Variants in ZNF365 observed in about 807,000 individuals in gnomAD.
ZNF365 encodes zinc finger protein 365, also known as protein ZNF365.
In ZNF365, 22 loss-of-function variants were observed where a neutral mutation model predicts 35.0. The observed-to-expected ratio is 0.63, with a 90% CI of 0.45 to 0.90. The LOEUF is 0.90. Among genes scored for constraint, ZNF365 ranks in the 40% least tolerant of loss-of-function variants. The probability of loss-of-function intolerance (pLI) is 0.00; values close to 1 mark genes in which losing one functional copy is unlikely to be tolerated. For missense variants in ZNF365, 448 were observed against 500.3 expected (o/e 0.90, Z 1.00); for synonymous variants, 188 against 196.2 (o/e 0.96, Z 0.35).
chr10:62,420,281 T>C (rs998680224), intron 3 of ZNF365, among the ~76,000 whole-genome samples: 2 of 152,222 alleles, frequency 1.3e-5, no homozygotes, highest in African/African-American at 4.8e-5. Context: ...AATTAACTCG[T>C]AATAAATATT....
In ZNF365 at chr10:62,376,276, G is replaced by A. The variant is rs1371450997; in HGVS notation, c.83G>A (p.Cys28Tyr). The change falls in exon 2 of 5, where the codon TGC becomes TAC. Residue 28 changes from cysteine to tyrosine, a missense_variant. Cys to Tyr is a radical substitution (Grantham distance 194, BLOSUM62 -2). Around this residue, in one of 3 missense-constraint regions of ZNF365, gnomAD observed 76 missense variants for 96.7 expected, o/e 0.79. Coordinates refer to ENST00000395254, the MANE Select transcript of ZNF365 (RefSeq NM_014951.3). ...ENVAVCLPLR[C>Y]PRCGDHTRFR... ...GTTGCTGTGTGCCTGCCATTACGCT[G>A]CCCGAGGTGTGGAGACCATACCAGA... 2 of 1,614,122 alleles carry A rather than the reference G, an allele frequency of 1.2e-6. No individual in the cohort carries two copies. Among genetic ancestry groups the A allele is most frequent in the Middle Eastern group, 1.6e-4 (1 of 6,062 alleles).
intron 3 of ZNF365, among the ~76,000 whole-genome samples, chr10:62,389,883 G>A (rs1839597619): frequency 6.6e-6 from 1 of 152,132 alleles, no homozygotes; most frequent in Admixed American, 6.5e-5. Context: ...ATTATTTTCT[G>A]GGTGGATGTC....
At chr10:62,398,652 CA>C in intron 3 of ZNF365, 87 bp from the exon 4 acceptor site, 1 of 1,238,660 alleles carries the variant, frequency 8.1e-7, no homozygotes, top group South Asian at 1.3e-5. Flanking sequence ...AATGGGAATG[CA>C]GTTTTTAGAA....
At chr10:62,416,173 T>A (rs1347819881) in intron 3 of ZNF365, among the ~76,000 whole-genome samples, 1 of 151,256 alleles carries the variant, frequency 6.6e-6, no homozygotes, top group African/African-American at 2.4e-5. Context: ...AATCTCTTGA[T>A]TCCTCCCTCA....
chr10:62,469,444 C>T (rs1009200878), intron 4 of ZNF365, among the ~76,000 whole-genome samples: 2 of 152,178 alleles, frequency 1.3e-5, no homozygotes, highest in Non-Finnish European at 2.9e-5. Flanking sequence ...AAAGACTGCA[C>T]TGACACAGTT....
intron 3 of ZNF365, among the ~76,000 whole-genome samples, chr10:62,430,914 C>A (rs16917206): frequency 3.9e-5 from 6 of 152,112 alleles, no homozygotes; most frequent in Admixed American, 2.6e-4. Flanking sequence ...GCCATCACAC[C>A]GATCTTCAAG....
chr10:62,463,393 T>G (rs1200575800), intron 4 of ZNF365, among the ~76,000 whole-genome samples: 1 of 152,226 alleles, frequency 6.6e-6, no homozygotes, highest in East Asian at 1.9e-4. Flanking sequence ...CCCACTTACC[T>G]TAAGTTTTAG....
intron 3 of ZNF365, among the ~76,000 whole-genome samples, chr10:62,450,124 T>G (rs1429277992): frequency 6.6e-6 from 1 of 152,132 alleles, no homozygotes; most frequent in African/African-American, 2.4e-5. Flanking sequence ...AAAAAAATTT[T>G]AAGACTTAGT....
intron 3 of ZNF365, among the ~76,000 whole-genome samples, chr10:62,450,776 G>A (rs1394526807): frequency 6.6e-6 from 1 of 152,202 alleles, no homozygotes; most frequent in African/African-American, 2.4e-5. Context: ...ACAAATCTGT[G>A]AAGAATAATT....
At chr10:62,462,705 G>A (rs569714751) in intron 4 of ZNF365, among the ~76,000 whole-genome samples, 4 of 152,318 alleles carry the variant, frequency 2.6e-5, no homozygotes, top group African/African-American at 9.6e-5. Flanking sequence ...AGCAGCCCAA[G>A]CATGGCTGGA....
chr10:62,393,890 C>T (rs555325778), intron 3 of ZNF365, among the ~76,000 whole-genome samples: 1 of 152,102 alleles, frequency 6.6e-6, no homozygotes, highest in African/African-American at 2.4e-5. Flanking sequence ...ATACGTTGCC[C>T]TAGGAAGACC....
intron 3 of ZNF365, among the ~76,000 whole-genome samples, chr10:62,416,843 A>G (rs969372677): frequency 6.6e-6 from 1 of 152,092 alleles, no homozygotes; most frequent in African/African-American, 2.4e-5. Flanking sequence ...TTGGCACTCA[A>G]GAAGTTTTAG....
intron 3 of ZNF365, among the ~76,000 whole-genome samples, chr10:62,441,397 T>G (rs1273652477): frequency 6.6e-6 from 1 of 152,194 alleles, no homozygotes; most frequent in Non-Finnish European, 1.5e-5. Flanking sequence ...AATCCTAGAA[T>G]GCTAGAGAAA....
At chr10:62,444,260 C>T (rs910893280) in intron 3 of ZNF365, among the ~76,000 whole-genome samples, 1 of 152,164 alleles carries the variant, frequency 6.6e-6, no homozygotes, top group African/African-American at 2.4e-5. Flanking sequence ...GCAGATACAT[C>T]TCTTGGTGTG....
chr10:62,385,532 G>T (rs1839511497), intron 2 of ZNF365, among the ~76,000 whole-genome samples: 1 of 152,090 alleles, frequency 6.6e-6, no homozygotes, highest in African/African-American at 2.4e-5. Flanking sequence ...ATCAAATGTT[G>T]CTGTCTTCGC....
intron 3 of ZNF365, among the ~76,000 whole-genome samples, chr10:62,456,038 G>T (rs1408890499): frequency 6.6e-6 from 1 of 152,182 alleles, no homozygotes; most frequent in Non-Finnish European, 1.5e-5. Context: ...AACTAAACTT[G>T]CTGCGGTGAT....
intron 3 of ZNF365, among the ~76,000 whole-genome samples, chr10:62,421,921 A>C (rs554307492): frequency 2.0e-5 from 3 of 152,336 alleles, no homozygotes; most frequent in African/African-American, 7.2e-5. Context: ...TGATTTGGAT[A>C]ATGTTTTACC....
At chr10:62,404,267 C>A (rs1476185551), downstream of ZNF365, among the ~76,000 whole-genome samples, 1 of 152,142 alleles carries the variant, frequency 6.6e-6, no homozygotes, top group Non-Finnish European at 1.5e-5. Context: ...TACCAATGTC[C>A]TGTGAGAAGA....
chr10:62,413,598 G>T (rs373053520), intron 3 of ZNF365, among the ~76,000 whole-genome samples: 3 of 151,928 alleles, frequency 2.0e-5, no homozygotes, highest in Non-Finnish European at 4.4e-5. Flanking sequence ...GATGATTTAG[G>T]GTGTACCTAA....
Sources: gnomAD v4.1 joint callset for allele counts (sites outside exome capture counted in the v4.1 genomes callset) on GRCh38, gnomAD v4.1.1 for gene constraint, gnomAD v4.1.1 regional missense constraint, MANE v1.5 for transcripts, NCBI Gene and HGNC (gene_info 2026-07-23, HGNC 2026-07-21) for gene names.